Variants in MYO1B observed in about 807,000 individuals in gnomAD.
MYO1B encodes the protein unconventional myosin-Ib.
A neutral mutation model predicts 159.7 loss-of-function variants in MYO1B; 72 were observed. The ratio of observed to expected loss-of-function variants is 0.45; its 90% CI spans 0.37 to 0.55. The LOEUF (loss-of-function observed/expected upper bound fraction) is 0.55. Among genes scored for constraint, MYO1B ranks in the 20% least tolerant of loss-of-function variants. The pLI, the probability that MYO1B is intolerant of heterozygous loss-of-function variation, is 0.00. For synonymous variants in MYO1B, 468 were observed against 473.8 expected, an observed-to-expected ratio of 0.99 and a Z score of 0.16; for missense variants, 1,062 against 1,364.8, an observed-to-expected ratio of 0.78 and a Z score of 3.50.
In MYO1B at chr2:191,293,765, T is replaced by C. The variant is rs1401374951; in HGVS notation, c.136-2346T>C. Among the ~76,000 whole-genome samples the C allele has an allele frequency of 8.5e-5, 13 of 152,164 alleles. No individual in the cohort carries two copies. The East Asian group carries it at 2.5e-3, about 29-fold the overall frequency. The stretch of plus-strand genomic sequence containing the variant: ...TGACCTGTATCTCATGCTGACCTCC[T>C]ACCTCATCCTGTGATGTAGAATGCA... On this transcript the variant is annotated intron_variant, in intron 2 of 30. Coordinates refer to ENST00000392318, the MANE Select transcript of MYO1B (RefSeq NM_001130158.3).
chr2:191,290,252 C>G (rs1688617780), intron 2 of MYO1B, among the ~76,000 whole-genome samples: 1 of 152,138 alleles, frequency 6.6e-6, no homozygotes, highest in South Asian at 2.1e-4. Context: ...CCCTACTCTT[C>G]CTTTTCTATT....
intron 3 of MYO1B, among the ~76,000 whole-genome samples, chr2:191,302,639 G>T (rs1414058103): frequency 6.6e-6 from 1 of 152,210 alleles, no homozygotes; most frequent in Non-Finnish European, 1.5e-5. Context: ...CTGGCAACAA[G>T]CCCTCTGGTG....
At chr2:191,418,609 C>T (rs1487597935) in intron 30 of MYO1B, among the ~76,000 whole-genome samples, 3 of 149,536 alleles carry the variant, frequency 2.0e-5, no homozygotes, top group Non-Finnish European at 4.4e-5. Flanking sequence ...TCTGCCTCAG[C>T]CTCTTGAGTA....
At chr2:191,354,957 G>A (rs1021703575) in intron 7 of MYO1B, among the ~76,000 whole-genome samples, 2 of 152,154 alleles carry the variant, frequency 1.3e-5, no homozygotes, top group African/African-American at 2.4e-5. Context: ...ACCCTGTGTC[G>A]ACAGCCTTGA....
In MYO1B at chr2:191,398,424, C is replaced by CA. The variant is rs1491157536; in HGVS notation, c.2295+1927_2295+1928insA. Among the ~76,000 whole-genome samples the CA allele has an allele frequency of 3.3e-4, 3 of 9,058 alleles. No homozygotes were observed. In the South Asian group the frequency reaches 0.068, roughly 206 times the overall value. The allele number at this position is 9,058 out of a possible 152,430, so 5.9% of individuals were successfully genotyped here. On this transcript the variant is annotated intron_variant, in intron 21 of 30. Transcript: ENST00000392318. ...GGCGGCTGGCCGGGCGGGGGGCTGACCCCCCCCCACCTCCCTCCCGGACGG... is the reference window on the plus strand; with the variant it reads ...GGCGGCTGGCCGGGCGGGGGGCTGACACCCCCCCCACCTCCCTCCCGGACGG...
chr2:191,385,591 A>C (rs1695351384), intron 15 of MYO1B, among the ~76,000 whole-genome samples: 1 of 152,162 alleles, frequency 6.6e-6, no homozygotes, highest in South Asian at 2.1e-4. Context: ...AATTTCAGTC[A>C]TCATCAGGCT....
At chr2:191,265,764 G>GTT (rs1440727701) in intron 1 of MYO1B, among the ~76,000 whole-genome samples, 7 of 152,224 alleles carry the variant, frequency 4.6e-5, no homozygotes, top group African/African-American at 1.7e-4. Context: ...GTACAGCTGA[G>GTT]TTTGTGTTTC....
Position 191,423,937 on chromosome 2 carries a change from C to G in MYO1B, c.3388C>G (p.Leu1130Val). 1 of 1,613,848 alleles carries G rather than the reference C, an allele frequency of 6.2e-7. No homozygotes were observed. The highest frequency in any genetic ancestry group is 8.5e-7 in the Non-Finnish European group (1 of 1,179,874). ...AACATGTAAACGAAAAAACAACCGTCTCCTTGAAGTTGCTGTCCCTTAACT... is the reference window on the plus strand; with the variant it reads ...AACATGTAAACGAAAAAACAACCGTGTCCTTGAAGTTGCTGTCCCTTAACT... ...VPTCKRKNNR[L>V]LEVAVP Residue 1130 changes from leucine to valine, a missense_variant, in exon 31 of 31, where the codon CTC (leucine) becomes GTC (valine). This residue lies in a region of MYO1B where 609 missense variants were observed against 744.4 expected (regional missense o/e 0.82). Coordinates refer to ENST00000392318, the MANE Select transcript of MYO1B (RefSeq NM_001130158.3).
intron 28 of MYO1B, 107 bp from the exon 29 acceptor site, chr2:191,414,409 AT>A: frequency 9.0e-7 from 1 of 1,105,566 alleles, no homozygotes; most frequent in Non-Finnish European, 1.3e-6. Context: ...TTACATAGGT[AT>A]GTTTGTTGAA....
At chr2:191,408,403 C>T (rs151048598) in intron 25 of MYO1B, among the ~76,000 whole-genome samples, 12 of 152,202 alleles carry the variant, frequency 7.9e-5, no homozygotes, top group South Asian at 4.2e-4. Flanking sequence ...GTTAATGGCC[C>T]GTATATTATT....
chr2:191,312,285 CT>C (rs1156718171), intron 3 of MYO1B, among the ~76,000 whole-genome samples: 1 of 152,144 alleles, frequency 6.6e-6, no homozygotes, highest in Non-Finnish European at 1.5e-5. Context: ...TGAAATCCCA[CT>C]GTTTGCTTCA....
rs150384413 is a variant in MYO1B at position 191,414,337 on chromosome 2, T to A, written c.3006+157T>A. Among the ~76,000 whole-genome samples the A allele has an allele frequency of 3.2e-3, 495 of 152,368 alleles. 1 individual carries two copies. The highest frequency in any genetic ancestry group is 4.6e-3 in the Admixed American group (71 of 15,308). On this transcript the variant is annotated intron_variant, in intron 28 of 30. Transcript: ENST00000392318. ...CCTTTAAGCTTAGGTGGAATTTTGCTTGTTCTCTGACATTTTTATGAAATA... is the reference window on the plus strand; with the variant it reads ...CCTTTAAGCTTAGGTGGAATTTTGCATGTTCTCTGACATTTTTATGAAATA...
intron 11 of MYO1B, among the ~76,000 whole-genome samples, chr2:191,368,067 G>A (rs1240839132): frequency 1.3e-5 from 2 of 152,152 alleles, no homozygotes; most frequent in East Asian, 3.9e-4. Context: ...ACCCTAATTG[G>A]AGTAGGGAGG....
intron 1 of MYO1B, among the ~76,000 whole-genome samples, chr2:191,249,895 A>G (rs1483799921): frequency 2.0e-5 from 3 of 152,164 alleles, no homozygotes; most frequent in Admixed American, 6.5e-5. Flanking sequence ...GGTTTGCTAA[A>G]CTCTAACAGG....
chr2:191,266,867 T>TG (rs1291545412), intron 1 of MYO1B, among the ~76,000 whole-genome samples: 1 of 152,262 alleles, frequency 6.6e-6, no homozygotes, highest in Non-Finnish European at 1.5e-5. Flanking sequence ...TGGTATATTT[T>TG]GTCATTCTCA....
chr2:191,354,650 A>G (rs1202106979), intron 7 of MYO1B, among the ~76,000 whole-genome samples: 3 of 152,144 alleles, frequency 2.0e-5, no homozygotes, highest in Non-Finnish European at 4.4e-5. Flanking sequence ...ACTTAGTAGC[A>G]GAGTACAACA....
chr2:191,251,996 A>G (rs1158054169), intron 1 of MYO1B, among the ~76,000 whole-genome samples: 1 of 152,206 alleles, frequency 6.6e-6, no homozygotes, highest in African/African-American at 2.4e-5. Context: ...TCAGATTGCA[A>G]ATATACTAGC....
chr2:191,309,451 T>C (rs564805780), intron 3 of MYO1B, among the ~76,000 whole-genome samples: 50 of 152,270 alleles, frequency 3.3e-4, no homozygotes, highest in African/African-American at 1.2e-3. Context: ...CCAACTTTCT[T>C]ATCTTCATGA....
chr2:191,253,602 C>T (rs1177553600), intron 1 of MYO1B, among the ~76,000 whole-genome samples: 4 of 151,860 alleles, frequency 2.6e-5, no homozygotes, highest in Admixed American at 2.0e-4. Flanking sequence ...ATTTGAAGCA[C>T]AATGAAATGT....
Sources: gnomAD v4.1 joint callset for allele counts (sites outside exome capture counted in the v4.1 genomes callset) on GRCh38, gnomAD v4.1.1 for gene constraint, gnomAD v4.1.1 regional missense constraint, MANE v1.5 for transcripts, NCBI Gene and HGNC (gene_info 2026-07-23, HGNC 2026-07-21) for gene names.